Variants in FAM13B observed in about 807,000 individuals in gnomAD.
FAM13B encodes protein FAM13B.
A neutral mutation model predicts 117.3 loss-of-function variants in FAM13B; 60 were observed. The observed-to-expected ratio is 0.51, with a 90% CI of 0.42 to 0.63. FAM13B has a LOEUF of 0.63. Among genes scored for constraint, FAM13B ranks in the 30% least tolerant of loss-of-function variants. The pLI, the probability that FAM13B is intolerant of heterozygous loss-of-function variation, is 0.00. For synonymous variants in FAM13B, 332 were observed against 356.1 expected (o/e 0.93, Z 0.76); for missense variants, 972 against 1,091.9 (o/e 0.89, Z 1.55).
At chr5:137,993,218 C>T (rs1779079815) in intron 7 of FAM13B, among the ~76,000 whole-genome samples, 1 of 152,186 alleles carries the variant, frequency 6.6e-6, no homozygotes, top group Non-Finnish European at 1.5e-5. Flanking sequence ...ATTTTGAGAG[C>T]CACTGGGGTG....
In FAM13B at chr5:137,953,457, C is replaced by G; in HGVS notation, c.1727G>C (p.Arg576Thr). 6.2e-7 allele frequency: 1 copy of G among 1,613,474 alleles called. No homozygotes were observed. Among genetic ancestry groups the G allele is most frequent in the South Asian group, 1.1e-5 (1 of 91,050 alleles). The change falls in exon 16 of 24, where the codon AGA becomes ACA. Residue 576 changes from arginine (R) to threonine (T), a missense_variant. Transcript: ENST00000689681. ...SKALSFTRIR[R>T]SSFSSKDEKR... ...TTCATCTTTTGAACTAAAGGATGAT[C>G]TTCGAATTCTGAATTAAAACAAAAG...
chr5:137,988,354 A>G, intron 7 of FAM13B, 39 bp from the exon 8 acceptor site: 1 of 1,512,782 alleles, frequency 6.6e-7, no homozygotes. Context: ...AAAATGTTCA[A>G]TACTTAATAA....
intron 20 of FAM13B, among the ~76,000 whole-genome samples, chr5:137,943,989 C>T (rs1762656346): frequency 6.6e-6 from 1 of 152,154 alleles, no homozygotes; most frequent in African/African-American, 2.4e-5. Context: ...TTCATTACCT[C>T]AGAAGAAACT....
At chr5:138,043,327 C>A (rs1276473228) in intron 1 of FAM13B, among the ~76,000 whole-genome samples, 1 of 152,126 alleles carries the variant, frequency 6.6e-6, no homozygotes, top group Non-Finnish European at 1.5e-5. Context: ...TGTGCCACTG[C>A]ACTCCACCCT....
At chr5:137,986,654 A>AAAAGCTTCGGACC (rs1777318861) in intron 9 of FAM13B, among the ~76,000 whole-genome samples, 1 of 152,248 alleles carries the variant, frequency 6.6e-6, no homozygotes, top group South Asian at 2.1e-4. Context: ...TCCTTGTCGG[A>AAAAGCTTCGGACC]AAAGCTTCGG....
chr5:137,948,418 TTTATTTAC>T (rs1205471974), intron 18 of FAM13B, among the ~76,000 whole-genome samples: 14 of 152,082 alleles, frequency 9.2e-5, no homozygotes. Flanking sequence ...TATTTATTTA[TTTATTTAC>T]TTATTTTCTC....
At chr5:137,981,506 C>T (rs1775741359) in intron 10 of FAM13B, among the ~76,000 whole-genome samples, 1 of 151,804 alleles carries the variant, frequency 6.6e-6, no homozygotes, top group Admixed American at 6.6e-5. Flanking sequence ...GGGGAGGGGG[C>T]CAGGTGCAGT....
chr5:138,019,270 C>T, intron 2 of FAM13B, 124 bp from the exon 3 acceptor site: 1 of 790,790 alleles, frequency 1.3e-6, no homozygotes, highest in Non-Finnish European at 1.9e-6. Flanking sequence ...TTCCAGTTAG[C>T]AGGCCCATAG....
chr5:138,013,338 A>G (rs1313184655), intron 4 of FAM13B, among the ~76,000 whole-genome samples: 1 of 151,982 alleles, frequency 6.6e-6, no homozygotes, highest in Non-Finnish European at 1.5e-5. Context: ...CATCTCTACT[A>G]AAAATACAAA....
At position 137,968,658 on chromosome 5, in the gene FAM13B, C is replaced by T. The variant is rs976568618; in HGVS notation, c.1180-6189G>A. Among the ~76,000 whole-genome samples, 46 of 152,076 alleles carry T rather than the reference C, an allele frequency of 3.0e-4. 1 individual carries two copies. Among genetic ancestry groups the T allele is most frequent in the Admixed American group, 2.4e-3 (37 of 15,262 alleles). On this transcript the variant is annotated intron_variant, in intron 10 of 23. Transcript: ENST00000689681. ...GGTCTACAGCTCCCAGCGTGAGCGA[C>T]GCAAAAGACGGGTGATTTCTGCATT...
intron 15 of FAM13B, 140 bp from the exon 16 acceptor site, chr5:137,953,605 T>G: frequency 2.5e-6 from 2 of 809,164 alleles, no homozygotes; most frequent in Non-Finnish European, 3.9e-6. Flanking sequence ...ACAGGTAGTA[T>G]AAAGAAACAC....
At chr5:137,977,585 A>G (rs1398586783) in intron 10 of FAM13B, among the ~76,000 whole-genome samples, 3 of 152,202 alleles carry the variant, frequency 2.0e-5, no homozygotes, top group African/African-American at 7.2e-5. Flanking sequence ...GAAAATAGAA[A>G]AGAACCTACA....
At chr5:138,036,551 A>G (rs1791183054), upstream of FAM13B, 1 of 456,508 alleles carries the variant, frequency 2.2e-6, no homozygotes, top group African/African-American at 2.0e-5. Flanking sequence ...GACTTGAAGT[A>G]AAAGGCAGGC....
chr5:137,953,397 T>C lies in FAM13B; in HGVS notation c.1787A>G (p.Lys596Arg), dbSNP rs1426049278. Reference protein sequence around the residue: ...REDRTPYQLVKKLQKKIRQFE... With the variant: ...REDRTPYQLVRKLQKKIRQFE... ...TTGTCTGATTTTCTTCTGAAGTTTCTTGACCAGCTGATAAGGTGTTCTGTC... is the reference window on the plus strand; with the variant it reads ...TTGTCTGATTTTCTTCTGAAGTTTCCTGACCAGCTGATAAGGTGTTCTGTC... The change falls in exon 16 of 24, where the codon AAG (lysine) becomes AGG (arginine). Residue 596 changes from lysine (K) to arginine (R), a missense_variant. By Grantham distance (26) the Lys-to-Arg change is conservative. Coordinates refer to ENST00000689681, the MANE Select transcript of FAM13B (RefSeq NM_001385994.1). 1 of 1,614,018 alleles carries C rather than the reference T, an allele frequency of 6.2e-7. No individual in the cohort carries two copies. The highest frequency in any genetic ancestry group is 8.5e-7 in the Non-Finnish European group (1 of 1,179,918).
chr5:138,004,974 A>G (rs1195638281), intron 7 of FAM13B, among the ~76,000 whole-genome samples: 4 of 152,134 alleles, frequency 2.6e-5, no homozygotes, highest in Non-Finnish European at 5.9e-5. Flanking sequence ...GCAGTGGCTC[A>G]CTCCTGCAAT....
intron 10 of FAM13B, among the ~76,000 whole-genome samples, chr5:137,980,588 G>A (rs964375570): frequency 2.0e-5 from 3 of 151,906 alleles, no homozygotes; most frequent in South Asian, 2.1e-4. Flanking sequence ...GACTACAGGC[G>A]TACGCCACCT....
chr5:138,023,807 A>C (rs560665511), intron 1 of FAM13B, among the ~76,000 whole-genome samples: 1 of 152,196 alleles, frequency 6.6e-6, no homozygotes, highest in African/African-American at 2.4e-5. Context: ...CAATCCACCC[A>C]CTTCAGCCTC....
chr5:137,996,882 T>G (rs150405474), intron 7 of FAM13B, among the ~76,000 whole-genome samples: 66 of 152,284 alleles, frequency 4.3e-4, no homozygotes, highest in Non-Finnish European at 8.4e-4. Context: ...CATGAGCCAC[T>G]GAGCCCAGCC....
chr5:138,040,393 C>T (rs1270049713), intron 1 of FAM13B, among the ~76,000 whole-genome samples: 1 of 150,740 alleles, frequency 6.6e-6, no homozygotes, highest in Non-Finnish European at 1.5e-5. Context: ...TATGGTGAAA[C>T]GCTGTCTCTA....
Sources: allele counts gnomAD v4.1 joint callset (sites outside exome capture counted in the v4.1 genomes callset), GRCh38; gene constraint gnomAD v4.1.1; transcripts MANE v1.5; gene names NCBI Gene and HGNC (gene_info 2026-07-23, HGNC 2026-07-21).